The following DET1 variants were observed in gnomAD, a reference collection of about 807,000 sequenced individuals.
DET1 encodes DET1 partner of COP1 E3 ubiquitin ligase.
A neutral mutation model predicts 43.7 loss-of-function variants in DET1; 22 were observed. The observed-to-expected ratio is 0.50, with a 90% CI of 0.36 to 0.72. DET1 has a LOEUF of 0.72. Among genes scored for constraint, DET1 ranks in the 30% least tolerant of loss-of-function variants. The pLI is 0.00. For missense variants in DET1, 713 were observed against 713.3 expected (o/e 1.00, Z 0.00); for synonymous variants, 315 against 266.2 (o/e 1.18, Z -1.79).
chr15:88,538,468 T>C (rs925249561), intron 1 of DET1, among the ~76,000 whole-genome samples: 58 of 151,386 alleles, frequency 3.8e-4, no homozygotes, highest in Admixed American at 2.4e-3. Flanking sequence ...TTCTGTAAAA[T>C]TGTTTTAACT....
chr15:88,543,278 G>T (rs1304131650), intron 1 of DET1, among the ~76,000 whole-genome samples: 1 of 152,204 alleles, frequency 6.6e-6, no homozygotes, highest in Non-Finnish European at 1.5e-5. Context: ...AGCAGCTAGA[G>T]CAAGCCTAGT....
At chr15:88,532,980 C>A (rs1385543492) in intron 1 of DET1, among the ~76,000 whole-genome samples, 1 of 152,098 alleles carries the variant, frequency 6.6e-6, no homozygotes, top group East Asian at 1.9e-4. Flanking sequence ...TCAAAGGACA[C>A]AATCAACCGA....
intron 1 of DET1, among the ~76,000 whole-genome samples, chr15:88,532,135 C>T (rs1185686835): frequency 2.0e-5 from 3 of 152,110 alleles, no homozygotes; most frequent in African/African-American, 7.2e-5. Context: ...AACCCTGTCT[C>T]TACAAAAAAA....
At chr15:88,506,963 T>C (rs781609792) in intron 7 of DET1, among the ~76,000 whole-genome samples, 2 of 152,216 alleles carry the variant, frequency 1.3e-5, no homozygotes, top group African/African-American at 2.4e-5. Flanking sequence ...ATTCTTGAGA[T>C]CCATCAGACA....
downstream of DET1, among the ~76,000 whole-genome samples, chr15:88,510,771 GTTTT>G (rs72302105): frequency 7.5e-6 from 1 of 132,966 alleles, no homozygotes; most frequent in African/African-American, 2.8e-5. Context: ...TTTTTTTTTT[GTTTT>G]TTTTTTTTTG....
At chr15:88,528,980 A>G (rs2056741618) in intron 2 of DET1, among the ~76,000 whole-genome samples, 1 of 152,166 alleles carries the variant, frequency 6.6e-6, no homozygotes, top group South Asian at 2.1e-4. Context: ...ATTGGAACCT[A>G]TCAAATTAAA....
intron 1 of DET1, among the ~76,000 whole-genome samples, chr15:88,539,785 C>A (rs927369060): frequency 6.6e-6 from 1 of 152,160 alleles, no homozygotes; most frequent in Non-Finnish European, 1.5e-5. Flanking sequence ...ATCTCTGGCA[C>A]CATGGAAGTT....
At chr15:88,522,512 G>GTTTGTTTTTTTT (rs1687176742) in intron 3 of DET1, among the ~76,000 whole-genome samples, 3 of 80,258 alleles carry the variant, frequency 3.7e-5, no homozygotes, top group Admixed American at 3.1e-4. Flanking sequence ...AATGTTCCTG[G>GTTTGTTTTTTTT]TTTTTTTTTT....
Position 88,519,901 on chromosome 15 carries a change from T to G in DET1, c.1272-2928A>C, listed in dbSNP as rs115546644. ...ATAGTCCTTCCAGACTCCCATGCTCTTTCATGACTATTTCATCTCCCCTCC... is the reference window on the plus strand; with the variant it reads ...ATAGTCCTTCCAGACTCCCATGCTCGTTCATGACTATTTCATCTCCCCTCC... On this transcript the variant is annotated intron_variant, in intron 3 of 4. Transcript: ENST00000268148. Among the ~76,000 whole-genome samples, 1,080 of 152,278 alleles carry G rather than the reference T, an allele frequency of 7.1e-3. 14 individuals are homozygous for G. Among genetic ancestry groups the G allele is most frequent in the African/African-American group, 0.022 (929 of 41,548 alleles).
intron 3 of DET1, 126 bp downstream of exon 3, chr15:88,527,473 T>C (rs2056694894): frequency 2.5e-6 from 2 of 804,664 alleles, no homozygotes; most frequent in Non-Finnish European, 3.7e-6. Flanking sequence ...AACAAGGGGT[T>C]ATAATAAGCA....
Position 88,530,684 on chromosome 15 carries a change from T to C in DET1, c.1022A>G (p.His341Arg), listed in dbSNP as rs1239888874. The change falls in exon 2 of 5, where the codon CAC becomes CGC. Residue 341 changes from histidine to arginine, a missense_variant. By Grantham distance (29) the His-to-Arg change is conservative. Coordinates refer to ENST00000268148, the MANE Select transcript of DET1 (RefSeq NM_001144074.3). ...MWKMQLLDEN[H>R]LFIKYTSEDV... is the part of the protein sequence containing the mutation. ...CTCACTAGTGTACTTGATAAACAGG[T>C]GGTTTTCATCCAGAAGCTGCATTTT... The C allele has an allele frequency of 1.2e-6, 2 of 1,613,876 alleles. No homozygotes were observed. Among genetic ancestry groups the C allele is most frequent in the Admixed American group, 1.7e-5 (1 of 60,012 alleles).
rs755001244 is a variant in DET1, at chr15:88,530,789, C to A, written c.917G>T (p.Arg306Leu). 1.2e-6 allele frequency: 2 copies of A among 1,613,866 alleles called. No individual in the cohort carries two copies. The highest frequency in any genetic ancestry group is 1.7e-5 in the Admixed American group (1 of 60,010). Reference sequence around the variant, plus strand: ...CATTGCACTACCATCCTGTTCTGCCCGGCGCCACAAATATACCAGCAACCG... The same window carrying A: ...CATTGCACTACCATCCTGTTCTGCCAGGCGCCACAAATATACCAGCAACCG... ...KHRLLVYLWR[R>L]AEQDGSAMAK... Residue 306 changes from arginine (R) to leucine (L), a missense_variant, in exon 2 of 5, where the codon CGG (arginine) becomes CTG (leucine). Arg to Leu is a moderately radical substitution (Grantham distance 102, BLOSUM62 -2). Transcript: ENST00000268148.
At position 88,516,872 on chromosome 15, in the gene DET1, C is replaced by A. The variant is rs1163068421; in HGVS notation, c.1373G>T (p.Ser458Ile). 6.2e-7 allele frequency: 1 copy of A among 1,611,504 alleles called. No individual in the cohort carries two copies. Among genetic ancestry groups the A allele is most frequent in the African/African-American group, 1.3e-5 (1 of 74,974 alleles). Reference protein sequence around the residue: ...LPISAQSYSGSPYLDLSLFSY... With the variant: ...LPISAQSYSGIPYLDLSLFSY... ...GAAGAGAGACAAATCCAGATAGGGG[C>A]TACCGCTGTAAGACTGAGCACTGAT... is the stretch of plus-strand genomic sequence containing the variant. The change falls in exon 4 of 5, where the codon AGC becomes ATC. Residue 458 changes from serine to isoleucine, a missense_variant. Physicochemically the swap from Ser to Ile is moderately radical, Grantham distance 142 (BLOSUM62 -2). Transcript: ENST00000268148. The surrounding 1 kb of genome is among the most constrained non-coding windows in gnomAD (Gnocchi z 4.4).
At chr15:88,518,747 A>G (rs751912365) in intron 3 of DET1, among the ~76,000 whole-genome samples, 13 of 152,192 alleles carry the variant, frequency 8.5e-5, no homozygotes, top group Non-Finnish European at 1.8e-4. Context: ...CCTGAAACAA[A>G]TGGAATAAAA....
At chr15:88,536,450 G>A in intron 1 of DET1, 2 of 658,870 alleles carry the variant, frequency 3.0e-6, no homozygotes, top group Middle Eastern at 7.9e-4. Flanking sequence ...ATTGGTATGA[G>A]CCTTGAAGAA....
At chr15:88,523,460 C>T (rs1211815812) in intron 3 of DET1, among the ~76,000 whole-genome samples, 6 of 152,286 alleles carry the variant, frequency 3.9e-5, no homozygotes, top group African/African-American at 1.2e-4. Context: ...TCCCTCTTCT[C>T]CCCTTTACAC....
chr15:88,537,275 TAA>T (rs1212235764), intron 1 of DET1, among the ~76,000 whole-genome samples: 2 of 152,316 alleles, frequency 1.3e-5, no homozygotes, highest in East Asian at 3.9e-4. Flanking sequence ...ATGCACTGAG[TAA>T]AGACATAAAA....
At chr15:88,517,781 T>C (rs912481281) in intron 3 of DET1, among the ~76,000 whole-genome samples, 1 of 152,186 alleles carries the variant, frequency 6.6e-6, no homozygotes, top group Non-Finnish European at 1.5e-5. Context: ...CATTCTTTGT[T>C]TGTTTAAATA....
chr15:88,544,271 C>A (rs7169679), intron 1 of DET1, among the ~76,000 whole-genome samples: 1 of 151,996 alleles, frequency 6.6e-6, no homozygotes, highest in Non-Finnish European at 1.5e-5. Context: ...GACACTCTTA[C>A]AAAATTAATT....
Sources: gnomAD v4.1 joint callset for allele counts (sites outside exome capture counted in the v4.1 genomes callset) on GRCh38, gnomAD v4.1.1 for gene constraint, Gnocchi (gnomAD v3.1) non-coding constraint, MANE v1.5 for transcripts, NCBI Gene and HGNC (gene_info 2026-07-23, HGNC 2026-07-21) for gene names.